USP34: variants seen among roughly 807,000 people sequenced by gnomAD.
The protein encoded by USP34 is ubiquitin specific peptidase 34.
A neutral mutation model predicts 460.3 loss-of-function variants in USP34; 70 were observed. That is an observed-to-expected ratio of 0.15 (90% CI 0.13 to 0.19). USP34 has a LOEUF of 0.19. Ranked by LOEUF, USP34 falls within the 10% of genes least tolerant of loss-of-function variation. The pLI, the probability that USP34 is intolerant of heterozygous loss-of-function variation, is 1.00. For missense variants in USP34, 3,985 were observed against 4,236.2 expected, an observed-to-expected ratio of 0.94 and a Z score of 1.65; for synonymous variants, 1,647 against 1,405.3, an observed-to-expected ratio of 1.17 and a Z score of -3.85.
chr2:61,348,066 G>A lies in USP34; in HGVS notation c.2089C>T (p.His697Tyr), dbSNP rs1278072417. The A allele has an allele frequency of 1.9e-6, 3 of 1,614,088 alleles. No homozygotes were observed. The highest frequency in any genetic ancestry group is 3.3e-5 in the Admixed American group (2 of 60,006). Residue 697 changes from histidine to tyrosine, a missense_variant, in exon 15 of 80, where the codon CAC becomes TAC. His to Tyr is a moderately conservative substitution (Grantham distance 83). Coordinates refer to ENST00000398571, the MANE Select transcript of USP34 (RefSeq NM_014709.4). ...ATATCATGTTCTGGGTCTTCAGAGT[G>A]TGAACAAGCATCCAGCATTCGCATT... ...NRMRMLDACSHSEDPEHDISG... is the reference protein window; with the variant it reads ...NRMRMLDACSYSEDPEHDISG...
intron 61 of USP34, among the ~76,000 whole-genome samples, chr2:61,228,351 T>C (rs1345363142): frequency 4.6e-5 from 7 of 152,190 alleles, no homozygotes; most frequent in African/African-American, 1.7e-4. Context: ...AGCAAAATGT[T>C]CACAAAAACA....
intron 5 of USP34, among the ~76,000 whole-genome samples, chr2:61,391,234 C>T (rs1693336120): frequency 1.3e-5 from 2 of 152,018 alleles, no homozygotes; most frequent in African/African-American, 4.8e-5. Flanking sequence ...TCATTTGAGC[C>T]CAGGAGTTCA....
chr2:61,215,184 T>C (rs904800926), intron 67 of USP34, among the ~76,000 whole-genome samples: 19 of 152,130 alleles, frequency 1.2e-4, no homozygotes, highest in Non-Finnish European at 2.1e-4. Context: ...AAGAAAGAAA[T>C]AGATATACAT....
chr2:61,311,172 G>A (rs1233453467), intron 27 of USP34, among the ~76,000 whole-genome samples: 1 of 152,096 alleles, frequency 6.6e-6, no homozygotes, highest in Non-Finnish European at 1.5e-5. Context: ...TTTAGATGTG[G>A]GGTCTTTGGA....
At chr2:61,205,981 A>C in intron 72 of USP34, 36 bp downstream of exon 72, 1 of 1,471,590 alleles carries the variant, frequency 6.8e-7, no homozygotes, top group South Asian at 1.1e-5. Context: ...TTCTTCCACT[A>C]GGTTTTTACA....
At position 61,204,717 on chromosome 2, in the gene USP34, C is replaced by T. The variant is rs546679721; in HGVS notation, c.9155-116G>A. ...TACAACCAGTTTAATGAGTCTAAAA[C>T]TAAGCTCCTGACACGAGTAGAAATT... On this transcript the variant is annotated intron_variant, in intron 72 of 79. Transcript: ENST00000398571. 5 of 768,158 alleles carry T rather than the reference C, an allele frequency of 6.5e-6. No homozygotes were observed. In the East Asian group the frequency reaches 9.9e-5, roughly 15 times the overall value. 47.6% of individuals were successfully genotyped at this position (768,158 alleles called of 1,614,324 possible).
chr2:61,268,089 C>G (rs1159146424), intron 41 of USP34, among the ~76,000 whole-genome samples: 1 of 152,016 alleles, frequency 6.6e-6, no homozygotes. Flanking sequence ...ACAGAAAGAA[C>G]CTACTCATAT....
intron 67 of USP34, among the ~76,000 whole-genome samples, chr2:61,219,113 T>G (rs1201458987): frequency 6.6e-6 from 1 of 152,244 alleles, no homozygotes; most frequent in Non-Finnish European, 1.5e-5. Flanking sequence ...TATGGACTCA[T>G]GAATATTTAT....
intron 2 of USP34, among the ~76,000 whole-genome samples, chr2:61,408,744 A>G (rs2103942622): frequency 6.6e-6 from 1 of 152,096 alleles, no homozygotes; most frequent in Non-Finnish European, 1.5e-5. Context: ...AAAAATAAAA[A>G]ATTAGACGGG....
intron 1 of USP34, among the ~76,000 whole-genome samples, chr2:61,451,387 T>TA (rs1292765899): frequency 6.6e-6 from 1 of 151,282 alleles, no homozygotes; most frequent in African/African-American, 2.4e-5. Flanking sequence ...ATAAATTCTG[T>TA]ACAAGACAGA....
intron 18 of USP34, among the ~76,000 whole-genome samples, chr2:61,338,238 T>C (rs1691486424): frequency 6.6e-6 from 1 of 152,144 alleles, no homozygotes; most frequent in African/African-American, 2.4e-5. Flanking sequence ...GGAGAATCGC[T>C]TGAATGCGGG....
intron 41 of USP34, among the ~76,000 whole-genome samples, chr2:61,277,307 G>A (rs1046415265): frequency 6.6e-6 from 1 of 150,900 alleles, no homozygotes; most frequent in African/African-American, 2.4e-5. Context: ...TGTGATCATG[G>A]CTCACTGAAG....
At chr2:61,254,153 T>A (rs1255940609) in intron 48 of USP34, among the ~76,000 whole-genome samples, 1 of 152,258 alleles carries the variant, frequency 6.6e-6, no homozygotes, top group Admixed American at 6.5e-5. Flanking sequence ...AAAAACCCAA[T>A]GCTTTTATTC....
chr2:61,188,081 G>C lies in USP34; in HGVS notation c.*21C>G. On this transcript the variant is annotated 3_prime_UTR_variant, in exon 80 of 80. Transcript: ENST00000398571. ...GGGGTTGGGGGTGAGGGACTTAAAA[G>C]TAGACATGCTACACCTAATGTCAAG... 1 of 1,594,028 alleles carries C rather than the reference G, an allele frequency of 6.3e-7. No homozygotes were observed. Among genetic ancestry groups the C allele is most frequent in the Non-Finnish European group, 8.5e-7 (1 of 1,169,930 alleles).
intron 1 of USP34, among the ~76,000 whole-genome samples, chr2:61,467,617 GTT>G (rs3980937): frequency 2.8e-5 from 3 of 106,038 alleles, no homozygotes; most frequent in East Asian, 3.0e-4. Context: ...CTGTAACTTT[GTT>G]TTTTTTTTTT....
At chr2:61,368,819 T>C (rs922443410) in intron 10 of USP34, among the ~76,000 whole-genome samples, 6 of 151,972 alleles carry the variant, frequency 3.9e-5, no homozygotes, top group African/African-American at 1.4e-4. Flanking sequence ...CAAACCAAGA[T>C]ACAAAATCTA....
At chr2:61,306,451 C>CA in intron 27 of USP34, among the ~76,000 whole-genome samples, 1 of 152,280 alleles carries the variant, frequency 6.6e-6, no homozygotes, top group South Asian at 2.1e-4. Context: ...GTACCAGTAC[C>CA]ATGCTGTTTT....
rs144197041 is a variant in USP34 at position 61,288,106 on chromosome 2, T to C, written c.4749+571A>G. Among the ~76,000 whole-genome samples, 421 of 152,314 alleles carry C rather than the reference T, an allele frequency of 2.8e-3. 1 individual carries two copies. The highest frequency in any genetic ancestry group is 9.4e-3 in the African/African-American group (392 of 41,570). On this transcript the variant is annotated intron_variant, in intron 34 of 79. Coordinates refer to ENST00000398571, the MANE Select transcript of USP34 (RefSeq NM_014709.4). ...AGCCTTCAGCTTTTTTAGGCACTCC[T>C]AGCACCAGCTTTATCAGGTCCCCTC...
intron 8 of USP34, among the ~76,000 whole-genome samples, chr2:61,373,525 A>C (rs929346328): frequency 6.6e-6 from 1 of 152,194 alleles, no homozygotes; most frequent in African/African-American, 2.4e-5. Flanking sequence ...AAAATAGACT[A>C]AGCCAAAAAA....
Sources: allele counts gnomAD v4.1 joint callset (sites outside exome capture counted in the v4.1 genomes callset), GRCh38; gene constraint gnomAD v4.1.1; transcripts MANE v1.5; gene names NCBI Gene and HGNC (gene_info 2026-07-23, HGNC 2026-07-21).